DOCK1: variants seen among roughly 807,000 people sequenced by gnomAD.
The protein encoded by DOCK1 is dedicator of cytokinesis 1.
DOCK1 carries 138 observed loss-of-function variants against 262.7 expected under a neutral mutation model. That is an observed-to-expected ratio of 0.53 (90% CI 0.46 to 0.61). The LOEUF (loss-of-function observed/expected upper bound fraction) is 0.61. Among genes scored for constraint, DOCK1 ranks in the 20% least tolerant of loss-of-function variants. The probability of loss-of-function intolerance (pLI) is 0.00; values close to 1 mark genes in which losing one functional copy is unlikely to be tolerated. For synonymous variants in DOCK1, 866 were observed against 867.4 expected (o/e 1.00, Z 0.03); for missense variants, 1,908 against 2,370.7 (o/e 0.80, Z 4.05).
chr10:127,249,188 G>A (rs561245981), intron 28 of DOCK1, among the ~76,000 whole-genome samples: 4 of 152,174 alleles, frequency 2.6e-5, no homozygotes, highest in Admixed American at 2.0e-4. Context: ...GAAATGGGAA[G>A]AAGAGAATGA....
At chr10:127,024,847 G>C in intron 15 of DOCK1, 64 bp downstream of exon 15, 4 of 1,391,442 alleles carry the variant, frequency 2.9e-6, no homozygotes, top group Non-Finnish European at 3.9e-6. Context: ...TGTAACCCAA[G>C]GAAACATCCT....
At chr10:127,262,173 GGTGTGT>G (rs200011342) in intron 29 of DOCK1, among the ~76,000 whole-genome samples, 1 of 72,596 alleles carries the variant, frequency 1.4e-5, no homozygotes, top group Admixed American at 1.6e-4. Flanking sequence ...TGTGCATGTG[GGTGTGT>G]GTGTGTGTGT....
Position 127,279,884 on chromosome 10 carries a change from G to A in DOCK1, c.3044+22455G>A, listed in dbSNP as rs74849717. 9.8e-3 allele frequency among the ~76,000 whole-genome samples: 1,495 copies of A among 151,968 alleles called. 42 individuals are homozygous for A. The East Asian group carries it at 0.11, about 11-fold the overall frequency. ...CATCTCTCATTCTTTCAAAGCAGTG[G>A]CGTTTTCTTAGTATCGCCATGTAAT... On this transcript the variant is annotated intron_variant, in intron 29 of 51. Coordinates refer to ENST00000623213, the MANE Select transcript of DOCK1 (RefSeq NM_001290223.2).
intron 1 of DOCK1, among the ~76,000 whole-genome samples, chr10:126,935,827 C>A (rs2134212463): frequency 6.6e-6 from 1 of 152,358 alleles, no homozygotes; most frequent in East Asian, 1.9e-4. Flanking sequence ...ATCTGCCCTG[C>A]AGGCATCTAC....
At chr10:127,026,076 A>AAAAAAG in intron 15 of DOCK1, 1 of 328,276 alleles carries the variant, frequency 3.0e-6, no homozygotes, top group Non-Finnish European at 5.5e-6. Context: ...AAAAAAAGAA[A>AAAAAAG]GAAAAAAGAA....
intron 6 of DOCK1, among the ~76,000 whole-genome samples, chr10:126,992,875 A>G (rs147399167): frequency 6.6e-6 from 1 of 151,950 alleles, no homozygotes; most frequent in East Asian, 1.9e-4. Context: ...GCTTCCATGG[A>G]CTTCATCTCT....
chr10:127,215,356 G>A lies in DOCK1; in HGVS notation c.2848-32652G>A, dbSNP rs76939948. ...GGAGCACTAGGGAAGACCCAGCCAC[G>A]CAGCTCCATGTGATCCCTCTGTGGT... On this transcript the variant is annotated intron_variant, in intron 27 of 51. Transcript: ENST00000623213. Among the ~76,000 whole-genome samples, 80 of 152,278 alleles carry A rather than the reference G, an allele frequency of 5.3e-4. No individual in the cohort carries two copies. The East Asian group carries it at 9.5e-3, about 18-fold the overall frequency.
In DOCK1 at chr10:127,444,155, G is replaced by A. The variant is rs2070374733; in HGVS notation, c.5289G>A (p.Lys1763=). The change falls in exon 50 of 52, where the codon AAG becomes AAA. Residue 1763 remains lysine (K), a synonymous_variant. Transcript: ENST00000623213. The part of the protein sequence containing the change: ...TISPLRPQRP[K]SQVMNVIGSE... ...GTCCCCTGCGGCCCCAGAGACCGAA[G>A]AGCCAGGTGATGAACGTCATTGGAA... 1.3e-6 allele frequency: 2 copies of A among 1,583,230 alleles called. No individual in the cohort carries two copies. Among genetic ancestry groups the A allele is most frequent in the African/African-American group, 1.4e-5 (1 of 73,718 alleles).
At chr10:127,367,180 G>A (rs1485386343) in intron 33 of DOCK1, among the ~76,000 whole-genome samples, 2 of 152,178 alleles carry the variant, frequency 1.3e-5, no homozygotes, top group Non-Finnish European at 2.9e-5. Flanking sequence ...CTTTTCTAAC[G>A]TTGCCCGGAG....
intron 38 of DOCK1, among the ~76,000 whole-genome samples, chr10:127,401,940 C>A (rs1319197373): frequency 6.6e-6 from 1 of 152,156 alleles, no homozygotes; most frequent in Non-Finnish European, 1.5e-5. Flanking sequence ...TCTAGATTCG[C>A]GGCCTAGAAA....
intron 27 of DOCK1, chr10:127,137,975 A>G: frequency 6.8e-6 from 11 of 1,613,814 alleles, no homozygotes; most frequent in Non-Finnish European, 9.3e-6. Context: ...GTTTTCTTAG[A>G]ACCGGCTGGA....
chr10:127,323,162 C>T (rs1370226224), intron 29 of DOCK1, among the ~76,000 whole-genome samples: 1 of 152,310 alleles, frequency 6.6e-6, no homozygotes, highest in Non-Finnish European at 1.5e-5. Flanking sequence ...GCTTCCCTCT[C>T]TGCTGGGTGA....
At chr10:127,103,747 T>A (rs1282192080) in intron 23 of DOCK1, among the ~76,000 whole-genome samples, 1 of 152,166 alleles carries the variant, frequency 6.6e-6, no homozygotes, top group Non-Finnish European at 1.5e-5. Context: ...AGAGTTCTTG[T>A]TAACCTTATG....
intron 27 of DOCK1, among the ~76,000 whole-genome samples, chr10:127,229,341 T>C (rs1159476658): frequency 1.3e-5 from 2 of 152,230 alleles, no homozygotes; most frequent in African/African-American, 2.4e-5. Context: ...CTTGAACTTA[T>C]TCTGCCTGTC....
At chr10:127,447,598 G>C (rs1307711077) in intron 51 of DOCK1, 53 bp downstream of exon 51, 54 of 1,594,366 alleles carry the variant, frequency 3.4e-5, no homozygotes, top group Non-Finnish European at 3.3e-5. Flanking sequence ...CCACAAAGTA[G>C]GACGAGTCCC....
At chr10:126,982,925 G>A (rs1222377844) in intron 4 of DOCK1, among the ~76,000 whole-genome samples, 1 of 152,154 alleles carries the variant, frequency 6.6e-6, no homozygotes. Context: ...TCCTTATACA[G>A]GGCAGACTGT....
chr10:127,036,654 C>G (rs561519053), intron 18 of DOCK1, among the ~76,000 whole-genome samples: 2 of 152,114 alleles, frequency 1.3e-5, no homozygotes, highest in South Asian at 4.2e-4. Flanking sequence ...TCCTAGAGAG[C>G]TTTTGGATCC....
At chr10:126,942,156 C>T (rs957460060) in intron 1 of DOCK1, among the ~76,000 whole-genome samples, 9 of 149,830 alleles carry the variant, frequency 6.0e-5, no homozygotes, top group South Asian at 4.2e-4. Context: ...TCCCGAGTAG[C>T]GGGACTACAG....
chr10:126,931,298 A>G (rs1201354879), intron 1 of DOCK1, among the ~76,000 whole-genome samples: 4 of 152,092 alleles, frequency 2.6e-5, no homozygotes, highest in African/African-American at 7.2e-5. Flanking sequence ...ATTAAAATGA[A>G]TACCATTCCA....
Sources: allele counts gnomAD v4.1 joint callset (sites outside exome capture counted in the v4.1 genomes callset), GRCh38; gene constraint gnomAD v4.1.1; transcripts MANE v1.5; gene names NCBI Gene and HGNC (gene_info 2026-07-23, HGNC 2026-07-21).